Variants in PAX4 observed in about 807,000 individuals in gnomAD.
PAX4 encodes paired box 4, also known as paired box protein Pax-4.
PAX4 carries 33 observed loss-of-function variants against 40.6 expected under a neutral mutation model. The observed-to-expected ratio is 0.81, with a 90% CI of 0.62 to 1.09. The LOEUF (loss-of-function observed/expected upper bound fraction) is 1.09. Ranked by LOEUF, PAX4 falls within the 50% of genes least tolerant of loss-of-function variation. The probability of loss-of-function intolerance (pLI) is 0.00; values close to 1 mark genes in which losing one functional copy is unlikely to be tolerated. For missense variants in PAX4, 459 were observed against 442.5 expected (o/e 1.04, Z -0.33); for synonymous variants, 174 against 170.6 (o/e 1.02, Z -0.16).
In PAX4 at chr7:127,615,960, A is replaced by T. The variant is rs1452674353; in HGVS notation, c.-32T>A. The T allele has an allele frequency of 1.3e-6, 2 of 1,535,508 alleles. No homozygotes were observed. The highest frequency in any genetic ancestry group is 1.7e-6 in the Non-Finnish European group (2 of 1,146,770). ...GGCTGACCCTCCTCAGAAGGATGAG[A>T]CTCCAGCTGGGAAGGCTGGGAAGGG... On this transcript the variant is annotated 5_prime_UTR_variant, in exon 3 of 12. Transcript: ENST00000639438.
At chr7:127,611,419 A>G (rs1279773782) in intron 11 of PAX4, 116 bp downstream of exon 11, 11 of 1,583,938 alleles carry the variant, frequency 6.9e-6, no homozygotes, top group African/African-American at 1.4e-5. Context: ...AAGAATGAGG[A>G]AAGCTGTATT....
rs536280685 is a variant in PAX4, at chr7:127,617,388, C to T, written c.-213G>A. 1 of 152,246 alleles carries T rather than the reference C, an allele frequency of 6.6e-6. No homozygotes were observed. The highest frequency in any genetic ancestry group is 1.9e-4 in the East Asian group (1 of 5,182). The allele number at this position is 152,246 out of a possible 1,614,324, so 9.4% of individuals were successfully genotyped here. ...AAACTGAGGCACAGATTGGCATTGC[C>T]ACAAGTCAGGGGCTGTCCAGAGAGT... On this transcript the variant is annotated 5_prime_UTR_variant, in exon 2 of 12. Transcript: ENST00000639438.
chr7:127,615,978 G>A lies in PAX4; in HGVS notation c.-50C>T, dbSNP rs2116146019. 3 of 1,535,272 alleles carry A rather than the reference G, an allele frequency of 2.0e-6. No individual in the cohort carries two copies. The highest frequency in any genetic ancestry group is 2.6e-6 in the Non-Finnish European group (3 of 1,146,364). On this transcript the variant is annotated 5_prime_UTR_variant, in exon 3 of 12. Transcript: ENST00000639438. ...GGATGAGACTCCAGCTGGGAAGGCT[G>A]GGAAGGGAAGTTCCTTCTAGGAGCT...
rs61297182 is a variant in PAX4, at chr7:127,610,570, TGCGC to T, written c.*490_*493del. On this transcript the variant is annotated 3_prime_UTR_variant, in exon 12 of 12. Transcript: ENST00000639438. ...CAGTGTGTGTGTGTGTGTGTGTGTG[TGCGC>T]GCACGCATGCACGCATACATAATAC... The T allele has an allele frequency of 5.0e-5, 16 of 321,638 alleles. No individual in the cohort carries two copies. Among genetic ancestry groups the T allele is most frequent in the African/African-American group, 3.6e-4 (16 of 44,558 alleles). 19.9% of individuals were successfully genotyped at this position (321,638 alleles called of 1,614,324 possible).
In PAX4 at chr7:127,610,788, T is replaced by C. The variant is rs1024646464; in HGVS notation, c.*276A>G. 2.1e-5 allele frequency: 27 copies of C among 1,277,586 alleles called. No individual in the cohort carries two copies. The South Asian group carries it at 3.5e-4, about 16-fold the overall frequency. The allele number at this position is 1,277,586 out of a possible 1,614,324, so 79.1% of individuals were successfully genotyped here. A position where few individuals can be genotyped will look rare whatever the true frequency, so the allele number is the denominator to read the frequency against. The stretch of plus-strand genomic sequence containing the variant: ...AGGGGTGCTCATAGGGAAAACATGA[T>C]GGACAACAGAACTACTGCTAATAAA... On this transcript the variant is annotated 3_prime_UTR_variant, in exon 12 of 12. Coordinates refer to ENST00000639438, the MANE Select transcript of PAX4 (RefSeq NM_001366110.1).
chr7:127,615,568 C>T (rs1389360973), intron 3 of PAX4, 37 bp from the exon 4 acceptor site: 1 of 1,612,512 alleles, frequency 6.2e-7, no homozygotes, highest in South Asian at 1.1e-5. Flanking sequence ...CACCACCTCT[C>T]CCACTGCCCT....
At chr7:127,613,725 C>G in intron 7 of PAX4, 31 bp downstream of exon 7, 1 of 1,613,424 alleles carries the variant, frequency 6.2e-7, no homozygotes. Context: ...ACTGAGGACT[C>G]TCTGACCCTC....
intron 2 of PAX4, 23 bp downstream of exon 2, chr7:127,617,252 T>C (rs1460943821): frequency 6.6e-6 from 1 of 152,172 alleles, no homozygotes; most frequent in Non-Finnish European, 1.5e-5. Flanking sequence ...TTAAGTTCAG[T>C]CGCTAAATTG....
At chr7:127,613,930 T>G in intron 6 of PAX4, 49 bp from the exon 7 acceptor site, 1 of 1,609,326 alleles carries the variant, frequency 6.2e-7, no homozygotes, top group Non-Finnish European at 8.5e-7. Context: ...GTGATTCCTC[T>G]GGTCAGATGG....
intron 7 of PAX4, 101 bp downstream of exon 7, chr7:127,613,655 C>T (rs1420717184): frequency 1.3e-6 from 2 of 1,506,970 alleles, no homozygotes; most frequent in Non-Finnish European, 1.8e-6. Flanking sequence ...GGCAGGGCCA[C>T]TCACACCTGC....
chr7:127,615,639 T>A, intron 3 of PAX4, 108 bp from the exon 4 acceptor site: 1 of 1,596,622 alleles, frequency 6.3e-7, no homozygotes, highest in South Asian at 1.1e-5. Flanking sequence ...ACCGAGTGCA[T>A]CCTCTCCTGG....
Position 127,615,466 on chromosome 7 carries a change from G to A in PAX4, c.79C>T (p.Arg27Trp), listed in dbSNP as rs893330175. 9 of 1,614,058 alleles carry A rather than the reference G, an allele frequency of 5.6e-6. No homozygotes were observed. Among genetic ancestry groups the A allele is most frequent in the East Asian group, 4.5e-5 (2 of 44,884 alleles). The change falls in exon 4 of 12, where the codon CGG becomes TGG. Residue 27 changes from arginine to tryptophan, a missense_variant. By Grantham distance (101) the Arg-to-Trp change is moderately radical. Transcript: ENST00000639438. Reference protein sequence around the residue: ...VNGRPLPLDTRQQIVRLAVSG... With the variant: ...VNGRPLPLDTWQQIVRLAVSG... ...ACTGCTAGCCGCACAATCTGCTGCC[G>A]GGTATCCAGAGGCAGGGGCCGGCCA...
At chr7:127,615,577 C>T (rs765113001) in intron 3 of PAX4, 46 bp from the exon 4 acceptor site, 2 of 1,611,742 alleles carry the variant, frequency 1.2e-6, no homozygotes, top group Non-Finnish European at 1.7e-6. Flanking sequence ...TCCCACTGCC[C>T]TGCCCGCCTG....
chr7:127,614,895 C>G lies in PAX4; in HGVS notation c.345G>C (p.Gln115His), dbSNP rs115157546. The G allele has an allele frequency of 6.2e-7, 1 of 1,614,112 alleles. No individual in the cohort carries two copies. The highest frequency in any genetic ancestry group is 8.5e-7 in the Non-Finnish European group (1 of 1,179,998). ...RQLCAEGLCTQDKTPSVSSIN... is the reference protein window; with the variant it reads ...RQLCAEGLCTHDKTPSVSSIN... ...GGGTACTTACACTGGGAGTCTTGTC[C>G]TGGGTGCAAAGCCCTTCAGCACAAA... Residue 115 changes from glutamine (Q) to histidine (H), a missense_variant, in exon 5 of 12, where the codon CAG (glutamine) becomes CAC (histidine). By Grantham distance (24) the Gln-to-His change is conservative. Coordinates refer to ENST00000639438, the MANE Select transcript of PAX4 (RefSeq NM_001366110.1).
intron 9 of PAX4, 40 bp downstream of exon 9, chr7:127,612,979 AGAT>A: frequency 7.5e-7 from 1 of 1,336,708 alleles, no homozygotes; most frequent in Non-Finnish European, 1.1e-6. Context: ...ATGGATGGAT[AGAT>A]GACTGAGCGG....
rs552026794 is a variant in PAX4, at chr7:127,613,536, C to A, written c.563-4G>T. ...GGATACTGCCCACGCTGGAACTCTG[C>A]GGAGATCGAGTCTCACAAAGTAAGG... On this transcript the variant is annotated splice_region_variant and splice_polypyrimidine_tract_variant and intron_variant, in intron 7 of 11. Coordinates refer to ENST00000639438, the MANE Select transcript of PAX4 (RefSeq NM_001366110.1). 4 of 1,614,082 alleles carry A rather than the reference C, an allele frequency of 2.5e-6. No individual in the cohort carries two copies. The highest frequency in any genetic ancestry group is 3.4e-6 in the Non-Finnish European group (4 of 1,179,958).
chr7:127,613,326 G>A, intron 8 of PAX4, 124 bp downstream of exon 8: 1 of 971,274 alleles, frequency 1.0e-6, no homozygotes, highest in Non-Finnish European at 1.7e-6. Flanking sequence ...ATCTCTGATT[G>A]TTGCTCCAAA....
chr7:127,611,742 C>A, intron 10 of PAX4, 66 bp from the exon 11 acceptor site: 1 of 1,602,314 alleles, frequency 6.2e-7, no homozygotes, highest in Non-Finnish European at 8.5e-7. Flanking sequence ...AACGCCGGGA[C>A]CCCAGAGCTG....
At chr7:127,617,213 C>A (rs1794735113) in intron 2 of PAX4, 62 bp downstream of exon 2, 1 of 152,186 alleles carries the variant, frequency 6.6e-6, no homozygotes, top group African/African-American at 2.4e-5. Flanking sequence ...CAAAGAATTA[C>A]AAAGAGTTTG....
Sources: gnomAD v4.1 joint callset for allele counts on GRCh38, gnomAD v4.1.1 for gene constraint, MANE v1.5 for transcripts, NCBI Gene and HGNC (gene_info 2026-07-23, HGNC 2026-07-21) for gene names.